Variants in KLHL29 observed in about 807,000 individuals in gnomAD.
KLHL29 encodes kelch-like protein 29.
A neutral mutation model predicts 80.4 loss-of-function variants in KLHL29; 21 were observed. The ratio of observed to expected loss-of-function variants is 0.26; its 90% confidence interval spans 0.19 to 0.38. The LOEUF (loss-of-function observed/expected upper bound fraction) is 0.38, where lower values mean the gene tolerates loss of function less well. Ranked by LOEUF, KLHL29 falls within the 10% of genes least tolerant of loss-of-function variation. The pLI is 1.00. For missense variants in KLHL29, 867 were observed against 1,223.9 expected, an observed-to-expected ratio of 0.71 and a Z score of 4.35; for synonymous variants, 511 against 526.8, an observed-to-expected ratio of 0.97 and a Z score of 0.41.
intron 3 of KLHL29, among the ~76,000 whole-genome samples, chr2:23,624,618 G>A (rs549596174): frequency 3.9e-5 from 6 of 152,300 alleles, no homozygotes; most frequent in East Asian, 1.9e-4. Context: ...ATGTGGTTTC[G>A]AATTAGGATC....
intron 1 of KLHL29, among the ~76,000 whole-genome samples, chr2:23,439,856 T>C (rs1454698189): frequency 6.6e-6 from 1 of 152,074 alleles, no homozygotes; most frequent in Non-Finnish European, 1.5e-5. Flanking sequence ...GTACAATTCC[T>C]GGGTATCCTT....
chr2:23,620,080 C>T (rs968472705), intron 3 of KLHL29, among the ~76,000 whole-genome samples: 17 of 152,126 alleles, frequency 1.1e-4, no homozygotes, highest in African/African-American at 4.1e-4. Flanking sequence ...TGAGCTGAGT[C>T]CCTGAGGATA....
intron 6 of KLHL29, chr2:23,690,908 C>G (rs2149203022): frequency 6.5e-6 from 1 of 152,790 alleles, no homozygotes; most frequent in Admixed American, 6.5e-5. Context: ...CCGACGCACA[C>G]TCTACACGCA....
At chr2:23,492,790 A>G (rs1166170713) in intron 2 of KLHL29, among the ~76,000 whole-genome samples, 1 of 152,156 alleles carries the variant, frequency 6.6e-6, no homozygotes, top group African/African-American at 2.4e-5. Context: ...AGCAAGACAG[A>G]CAGAGCTAGT....
intron 2 of KLHL29, among the ~76,000 whole-genome samples, chr2:23,488,239 T>G (rs537260633): frequency 1.3e-5 from 2 of 152,320 alleles, no homozygotes; most frequent in South Asian, 4.1e-4. Flanking sequence ...TGGGCGCCCC[T>G]GGCCTTTTGC....
chr2:23,475,473 C>T (rs1664608084), intron 1 of KLHL29, 87 bp from the exon 2 acceptor site: 1 of 149,902 alleles, frequency 6.7e-6, no homozygotes, highest in African/African-American at 2.7e-5. Flanking sequence ...ATTCAAAAGA[C>T]ATCTTTTTGC....
chr2:23,487,463 C>T (rs754617249), intron 2 of KLHL29, among the ~76,000 whole-genome samples: 2 of 152,184 alleles, frequency 1.3e-5, no homozygotes, highest in Admixed American at 6.5e-5. Context: ...GTACTCCGTC[C>T]TGGGGAAGAA....
intron 3 of KLHL29, among the ~76,000 whole-genome samples, chr2:23,638,875 G>A (rs1276240668): frequency 1.3e-5 from 2 of 152,180 alleles, no homozygotes; most frequent in African/African-American, 4.8e-5. Context: ...GGCCACGGAG[G>A]GTGACAAGGG....
At chr2:23,489,626 C>T (rs917912848) in intron 2 of KLHL29, among the ~76,000 whole-genome samples, 3 of 152,004 alleles carry the variant, frequency 2.0e-5, no homozygotes, top group African/African-American at 7.3e-5. Flanking sequence ...CGCATTAATG[C>T]ATGAAACAAG....
intron 5 of KLHL29, among the ~76,000 whole-genome samples, chr2:23,683,031 T>G (rs1671135642): frequency 6.6e-6 from 1 of 152,220 alleles, no homozygotes; most frequent in African/African-American, 2.4e-5. Context: ...AGGGCCTGCC[T>G]GGCAATCAGG....
chr2:23,565,479 G>A (rs1318116737), intron 3 of KLHL29, among the ~76,000 whole-genome samples: 1 of 152,220 alleles, frequency 6.6e-6, no homozygotes, highest in East Asian at 1.9e-4. Context: ...CCTACCCCTT[G>A]GCTGGGACTC....
At chr2:23,548,776 C>T (rs1275455158) in intron 2 of KLHL29, among the ~76,000 whole-genome samples, 3 of 152,218 alleles carry the variant, frequency 2.0e-5, no homozygotes, top group African/African-American at 7.2e-5. Flanking sequence ...CGTCACCTAC[C>T]TATCCAGGCT....
chr2:23,634,355 T>C (rs550554037), intron 3 of KLHL29, among the ~76,000 whole-genome samples: 10 of 149,098 alleles, frequency 6.7e-5, no homozygotes, highest in African/African-American at 2.4e-4. Context: ...CTCTGTCAGA[T>C]GTATCTAGGC....
At chr2:23,495,498 A>G (rs933345091) in intron 2 of KLHL29, among the ~76,000 whole-genome samples, 9 of 152,160 alleles carry the variant, frequency 5.9e-5, no homozygotes, top group East Asian at 5.8e-4. Context: ...AACCAGTACA[A>G]TACTCTTTAT....
intron 3 of KLHL29, among the ~76,000 whole-genome samples, chr2:23,597,397 ATATATATATATT>A (rs1558402810): frequency 4.4e-5 from 4 of 90,248 alleles, no homozygotes; most frequent in Non-Finnish European, 6.1e-5. Context: ...ATATATATAT[ATATATATATATT>A]TTTTTTTTTT....
chr2:23,468,187 G>A (rs1220783398), intron 1 of KLHL29, among the ~76,000 whole-genome samples: 2 of 152,068 alleles, frequency 1.3e-5, no homozygotes, highest in Admixed American at 1.3e-4. Context: ...AGTGGAGGGT[G>A]GGCAGACGTG....
intron 1 of KLHL29, among the ~76,000 whole-genome samples, chr2:23,465,492 C>T (rs1664324065): frequency 6.6e-6 from 1 of 152,206 alleles, no homozygotes; most frequent in Non-Finnish European, 1.5e-5. Flanking sequence ...CCGGCTTCCT[C>T]GCCTCATCGT....
intron 4 of KLHL29, among the ~76,000 whole-genome samples, chr2:23,641,620 A>G (rs1396539012): frequency 1.3e-5 from 2 of 152,208 alleles, no homozygotes; most frequent in African/African-American, 2.4e-5. Context: ...CATCTTCCTC[A>G]TTCTGTTCTT....
chr2:23,701,536 G>T (rs1000372434), intron 11 of KLHL29, among the ~76,000 whole-genome samples: 1 of 152,096 alleles, frequency 6.6e-6, no homozygotes, highest in Non-Finnish European at 1.5e-5. Flanking sequence ...AACATAGGGA[G>T]ACCTCATCTC....
Sources: allele counts gnomAD v4.1 joint callset (sites outside exome capture counted in the v4.1 genomes callset), GRCh38; gene constraint gnomAD v4.1.1; transcripts MANE v1.5; gene names NCBI Gene and HGNC (gene_info 2026-07-23, HGNC 2026-07-21).